The following FRMPD2 variants were observed in gnomAD, a reference collection of about 807,000 sequenced individuals.
FRMPD2 encodes FERM and PDZ domain containing 2.
In FRMPD2, 96 loss-of-function variants were observed where a neutral mutation model predicts 140.1. The ratio of observed to expected loss-of-function variants is 0.69; its 90% CI spans 0.58 to 0.81. FRMPD2 has a LOEUF of 0.81. FRMPD2 is among the 40% of genes least tolerant of loss of function. The pLI is 0.00. For missense variants in FRMPD2, 1,240 were observed against 1,447.4 expected (o/e 0.86, Z 2.32); for synonymous variants, 449 against 547.6 (o/e 0.82, Z 2.52).
At chr10:48,184,704 A>G (rs758073688) in intron 19 of FRMPD2, 22 bp from the exon 20 acceptor site, 5 of 1,595,048 alleles carry the variant, frequency 3.1e-6, no homozygotes, top group South Asian at 1.1e-5. Flanking sequence ...AAACATCTCA[A>G]TAATCCTTCA....
rs1224233153 is a variant in FRMPD2 at position 48,159,779 on chromosome 10, G to A, written c.3882-2409C>T. Among the ~76,000 whole-genome samples, 3 of 151,526 alleles carry A rather than the reference G, an allele frequency of 2.0e-5. 1 individual carries two copies. Among genetic ancestry groups the A allele is most frequent in the African/African-American group, 7.3e-5 (3 of 41,128 alleles). ...TTTACTTACATGAGTTTAATGATAT[G>A]TGCTAGGCAAAAAGAGAAAGAGAAA... On this transcript the variant is annotated intron_variant, in intron 28 of 28. Transcript: ENST00000374201.
intron 4 of FRMPD2, 111 bp downstream of exon 4, chr10:48,244,673 G>A: frequency 1.4e-5 from 11 of 789,572 alleles, no homozygotes; most frequent in Non-Finnish European, 2.0e-5. Context: ...CCTAGAGGAC[G>A]GGAGAGTGGC....
At chr10:48,236,183 C>T (rs774592084) in intron 9 of FRMPD2, among the ~76,000 whole-genome samples, 50 of 151,718 alleles carry the variant, frequency 3.3e-4, no homozygotes, top group African/African-American at 6.5e-4. Context: ...TTGTTTCATT[C>T]GCAGCATAGA....
chr10:48,182,480 C>G (rs1238456389), intron 20 of FRMPD2, among the ~76,000 whole-genome samples: 1 of 152,222 alleles, frequency 6.6e-6, no homozygotes, highest in Admixed American at 6.5e-5. Flanking sequence ...GATCTCCAAT[C>G]TAGCCCAGCT....
chr10:48,252,497 A>G lies in FRMPD2; in HGVS notation c.26-806T>C, dbSNP rs72792252. 6.7e-3 allele frequency among the ~76,000 whole-genome samples: 1,026 copies of G among 152,088 alleles called. 5 individuals are homozygous for G. Among genetic ancestry groups the G allele is most frequent in the Admixed American group, 9.6e-3 (147 of 15,286 alleles). On this transcript the variant is annotated intron_variant, in intron 1 of 28. Transcript: ENST00000374201. ...CAGAGCTCAAGCAGGGCGGGTGTGC[A>G]GTGTCGGGCGCTAGATGGGGAGCAC...
At chr10:48,261,780 T>C (rs1840594758) in intron 1 of FRMPD2, among the ~76,000 whole-genome samples, 3 of 152,162 alleles carry the variant, frequency 2.0e-5, no homozygotes, top group Admixed American at 2.0e-4. Flanking sequence ...ACATCTTGGG[T>C]GATTATGCCT....
intron 20 of FRMPD2, among the ~76,000 whole-genome samples, chr10:48,182,249 T>C (rs938142479): frequency 3.3e-5 from 5 of 152,222 alleles, no homozygotes; most frequent in East Asian, 1.9e-4. Flanking sequence ...TCTGTCATCA[T>C]TGTCCTTCTG....
chr10:48,211,490 A>G (rs1261066185), intron 13 of FRMPD2, among the ~76,000 whole-genome samples: 2 of 152,100 alleles, frequency 1.3e-5, no homozygotes. Context: ...TGGAATGCTG[A>G]TCTAAGATTT....
At chr10:48,247,672 A>C (rs561771400) in intron 3 of FRMPD2, among the ~76,000 whole-genome samples, 5 of 152,234 alleles carry the variant, frequency 3.3e-5, no homozygotes, top group Admixed American at 6.5e-5. Flanking sequence ...CCCCCATAAG[A>C]AGGTAACTCC....
chr10:48,193,195 G>A (rs1026934945), intron 15 of FRMPD2, among the ~76,000 whole-genome samples: 3 of 152,228 alleles, frequency 2.0e-5, no homozygotes, highest in African/African-American at 7.2e-5. Flanking sequence ...GTATTTGCGG[G>A]TGTGTCGGGC....
chr10:48,164,118 G>A (rs1341216377), intron 27 of FRMPD2, among the ~76,000 whole-genome samples: 4 of 150,362 alleles, frequency 2.7e-5, no homozygotes, highest in South Asian at 4.2e-4. Context: ...GACTTGCTTC[G>A]TCTCAACTGC....
chr10:48,222,554 G>A, intron 11 of FRMPD2, 103 bp from the exon 12 acceptor site: 1 of 1,218,214 alleles, frequency 8.2e-7, no homozygotes. Flanking sequence ...AAGTAGGGAA[G>A]ACGAGATGCA....
intron 1 of FRMPD2, among the ~76,000 whole-genome samples, chr10:48,253,180 C>T (rs973870319): frequency 1.6e-4 from 25 of 152,112 alleles, no homozygotes; most frequent in African/African-American, 5.1e-4. Context: ...ATAGTGAAGA[C>T]CATTATTTCA....
intron 2 of FRMPD2, 45 bp from the exon 3 acceptor site, chr10:48,249,223 C>G (rs772590662): frequency 6.3e-7 from 1 of 1,596,062 alleles, no homozygotes; most frequent in Non-Finnish European, 8.6e-7. Context: ...GAGCTTCCAT[C>G]TGGGGTGCCA....
At chr10:48,262,884 T>G (rs895957008) in intron 1 of FRMPD2, among the ~76,000 whole-genome samples, 1 of 152,122 alleles carries the variant, frequency 6.6e-6, no homozygotes, top group African/African-American at 2.4e-5. Context: ...CAAGCAATTC[T>G]CGTGCCTCAG....
chr10:48,177,107 CTTTT>C (rs797028246), intron 22 of FRMPD2, among the ~76,000 whole-genome samples: 2 of 130,692 alleles, frequency 1.5e-5, no homozygotes, highest in Non-Finnish European at 1.6e-5. Flanking sequence ...TAATGGATCA[CTTTT>C]TTTTTTTTTT....
chr10:48,257,917 T>C (rs1457198116), intron 1 of FRMPD2, among the ~76,000 whole-genome samples: 1 of 152,210 alleles, frequency 6.6e-6, no homozygotes, highest in Non-Finnish European at 1.5e-5. Context: ...CTTCCAACTA[T>C]GGGATTTTTA....
In FRMPD2 at chr10:48,238,351, G is replaced by A. The variant is rs539262782; in HGVS notation, c.789-228C>T. The stretch of plus-strand genomic sequence containing the variant: ...GGTGGGGTGGGGTTGGAGGTACAAG[G>A]CACAGTCGACTTCTCCACCCCATGG... On this transcript the variant is annotated intron_variant, in intron 7 of 28. Coordinates refer to ENST00000374201, the MANE Select transcript of FRMPD2 (RefSeq NM_001018071.4). Among the ~76,000 whole-genome samples the A allele has an allele frequency of 3.9e-5, 6 of 152,300 alleles. No individual in the cohort carries two copies. The South Asian group carries it at 1.2e-3, about 32-fold the overall frequency.
At chr10:48,243,046 C>CCG (rs1840163614) in intron 4 of FRMPD2, among the ~76,000 whole-genome samples, 2 of 152,250 alleles carry the variant, frequency 1.3e-5, no homozygotes, top group Admixed American at 1.3e-4. Flanking sequence ...GGCTGCACTA[C>CCG]CGCTTCTTGC....
Sources: allele counts gnomAD v4.1 joint callset (sites outside exome capture counted in the v4.1 genomes callset), GRCh38; gene constraint gnomAD v4.1.1; transcripts MANE v1.5; gene names NCBI Gene and HGNC (gene_info 2026-07-23, HGNC 2026-07-21).